Variants in SUPT6H observed in about 807,000 individuals in gnomAD.
The protein encoded by SUPT6H is SPT6 homolog, histone chaperone and transcription elongation factor, also known as transcription elongation factor SPT6.
A neutral mutation model predicts 222.3 loss-of-function variants in SUPT6H; 11 were observed. That is an observed-to-expected ratio of 0.05 (90% confidence interval 0.03 to 0.08). The LOEUF (loss-of-function observed/expected upper bound fraction) is 0.08, where lower values mean the gene tolerates loss of function less well. Among genes scored for constraint, SUPT6H ranks in the 10% least tolerant of loss-of-function variants. The probability of loss-of-function intolerance (pLI) is 1.00; values close to 1 mark genes in which losing one functional copy is unlikely to be tolerated. For synonymous variants in SUPT6H, 762 were observed against 801.2 expected (o/e 0.95, Z 0.83); for missense variants, 1,422 against 2,216.0 (o/e 0.64, Z 7.19).
At chr17:28,686,582 C>T in intron 20 of SUPT6H, 72 bp from the exon 21 acceptor site, 2 of 1,546,486 alleles carry the variant, frequency 1.3e-6, no homozygotes, top group Middle Eastern at 1.8e-4. Flanking sequence ...CCTACCTCTT[C>T]ACCCCCAAGG....
At chr17:28,696,585 C>CA (rs368924462) in intron 29 of SUPT6H, among the ~76,000 whole-genome samples, 1,570 of 53,666 alleles carry the variant, frequency 0.029, 30 homozygotes, top group South Asian at 0.042. Flanking sequence ...GAGACTGTCT[C>CA]AAAAAAAAAA....
rs2032172530 is a variant in SUPT6H at position 28,702,505 on chromosome 17, G to A, written c.*880G>A. Reference sequence around the variant, plus strand: ...TGATACCTGCCTCATCAGCTGCTGTGAGGACCAAGGCAGCGTGTGCAAGCT... The same window carrying A: ...TGATACCTGCCTCATCAGCTGCTGTAAGGACCAAGGCAGCGTGTGCAAGCT... On this transcript the variant is annotated 3_prime_UTR_variant, in exon 37 of 37. Transcript: ENST00000314616. The A allele has an allele frequency of 6.6e-6, 1 of 152,354 alleles. No individual in the cohort carries two copies. Among genetic ancestry groups the A allele is most frequent in the African/African-American group, 2.4e-5 (1 of 41,458 alleles). 9.4% of individuals were successfully genotyped at this position (152,354 alleles called of 1,614,324 possible).
chr17:28,670,508 C>T (rs1327745675), intron 1 of SUPT6H: 1 of 152,106 alleles, frequency 6.6e-6, no homozygotes, highest in Non-Finnish European at 1.5e-5. Context: ...TGTGCCTGTT[C>T]TGTGTGTCTA....
In SUPT6H at chr17:28,695,435, C is replaced by T; in HGVS notation, c.3858C>T (p.Leu1286=). 1.9e-6 allele frequency: 3 copies of T among 1,614,154 alleles called. No homozygotes were observed. Among genetic ancestry groups the T allele is most frequent in the Non-Finnish European group, 2.5e-6 (3 of 1,180,038 alleles). The change falls in exon 29 of 37, where the codon CTC becomes CTT. Residue 1286 remains leucine, a synonymous_variant. Coordinates refer to ENST00000314616, the MANE Select transcript of SUPT6H (RefSeq NM_003170.5). ...ACCTGACCTGCCGCACCTCAGACCTCATGGACAGGAACAATGAGTGGAAGC... is the reference window on the plus strand; with the variant it reads ...ACCTGACCTGCCGCACCTCAGACCTTATGGACAGGAACAATGAGTGGAAGC... The part of the protein sequence containing the change: ...SADLTCRTSD[L]MDRNNEWKLP...
intron 29 of SUPT6H, among the ~76,000 whole-genome samples, chr17:28,696,585 C>CAA (rs368924462): frequency 0.15 from 7,826 of 53,874 alleles, 352 homozygotes; most frequent in African/African-American, 0.19. Flanking sequence ...GAGACTGTCT[C>CAA]AAAAAAAAAA....
At chr17:28,693,898 T>A in intron 28 of SUPT6H, 62 bp downstream of exon 28, 1 of 1,607,900 alleles carries the variant, frequency 6.2e-7, no homozygotes, top group Non-Finnish European at 8.5e-7. Flanking sequence ...CAGGTCTCTT[T>A]AACTTTGGGC....
rs146509168 is a variant in SUPT6H at position 28,696,189 on chromosome 17, C to T, written c.3970+642C>T. ...GGTGTGGTGGTGGGCGCCTGTAATC[C>T]CAGCTACTGAGGCAGGAGAATTGCT... On this transcript the variant is annotated intron_variant, in intron 29 of 36. Coordinates refer to ENST00000314616, the MANE Select transcript of SUPT6H (RefSeq NM_003170.5). 1.5e-3 allele frequency among the ~76,000 whole-genome samples: 220 copies of T among 150,746 alleles called. 1 individual carries two copies. Among genetic ancestry groups the T allele is most frequent in the African/African-American group, 4.7e-3 (193 of 40,900 alleles).
At chr17:28,678,687 C>T (rs2030904514) in intron 10 of SUPT6H, 53 bp downstream of exon 10, 1 of 1,610,660 alleles carries the variant, frequency 6.2e-7, no homozygotes, top group Non-Finnish European at 8.5e-7. Context: ...GGCACCATTA[C>T]TACCAGGATA....
At chr17:28,690,301 G>A in intron 26 of SUPT6H, 72 bp downstream of exon 26, 4 of 1,562,446 alleles carry the variant, frequency 2.6e-6, no homozygotes, top group Non-Finnish European at 2.6e-6. Flanking sequence ...CCAAGCAGCA[G>A]TTCCAACAGA....
intron 25 of SUPT6H, 42 bp downstream of exon 25, chr17:28,689,603 A>G (rs2031548533): frequency 6.2e-7 from 1 of 1,601,142 alleles, no homozygotes; most frequent in African/African-American, 1.3e-5. Context: ...AACCCATCCC[A>G]AGTGGCCAGG....
At chr17:28,664,701 A>G (rs913971600) in intron 1 of SUPT6H, among the ~76,000 whole-genome samples, 2 of 152,098 alleles carry the variant, frequency 1.3e-5, no homozygotes, top group African/African-American at 2.4e-5. Context: ...AATTATCTCC[A>G]TTTGGATATT....
chr17:28,696,065 G>A (rs894923461), intron 29 of SUPT6H, among the ~76,000 whole-genome samples: 5 of 152,178 alleles, frequency 3.3e-5, no homozygotes, highest in East Asian at 1.9e-4. Flanking sequence ...CCAGCACTTC[G>A]GAGGCTGAGG....
intron 1 of SUPT6H, among the ~76,000 whole-genome samples, chr17:28,664,803 C>G (rs56147019): frequency 6.6e-6 from 1 of 152,192 alleles, no homozygotes; most frequent in Non-Finnish European, 1.5e-5. Flanking sequence ...AGTGGTGCTC[C>G]TATCCGCAGG....
At chr17:28,664,966 A>G (rs1316706090) in intron 1 of SUPT6H, among the ~76,000 whole-genome samples, 5 of 152,098 alleles carry the variant, frequency 3.3e-5, no homozygotes, top group African/African-American at 1.2e-4. Context: ...ACCTTATTCC[A>G]AGCCACCACC....
intron 29 of SUPT6H, among the ~76,000 whole-genome samples, chr17:28,695,901 C>T (rs992200695): frequency 6.6e-5 from 10 of 152,124 alleles, no homozygotes; most frequent in African/African-American, 1.4e-4. Flanking sequence ...GGGTGGCTCA[C>T]GGCTGTAGCC....
chr17:28,700,789 C>G, intron 35 of SUPT6H, 152 bp from the exon 36 acceptor site: 1 of 1,048,514 alleles, frequency 9.5e-7, no homozygotes, highest in Non-Finnish European at 1.4e-6. Flanking sequence ...CGGTGCTGAC[C>G]TGCAGGCTTC....
At chr17:28,689,686 C>T in intron 25 of SUPT6H, 125 bp downstream of exon 25, 1 of 914,054 alleles carries the variant, frequency 1.1e-6, no homozygotes, top group South Asian at 1.6e-5. Flanking sequence ...TGATCCTCAT[C>T]TCCCTGCCCT....
rs777389751 is a variant in SUPT6H, at chr17:28,677,699, G to A, written c.898-16G>A. The A allele has an allele frequency of 1.9e-6, 3 of 1,602,152 alleles. No homozygotes were observed. The highest frequency in any genetic ancestry group is 1.1e-5 in the South Asian group (1 of 90,428). On this transcript the variant is annotated splice_polypyrimidine_tract_variant and intron_variant, in intron 7 of 36. Transcript: ENST00000314616. ...AAGATAAAGTCCGTCTCACCCTGTT[G>A]TCTTATCCACTCCAGCTCCGCTCCA...
chr17:28,699,730 T>A, intron 32 of SUPT6H, 51 bp from the exon 33 acceptor site: 1 of 1,500,568 alleles, frequency 6.7e-7, no homozygotes, highest in East Asian at 2.3e-5. Flanking sequence ...TGGTCGCTCT[T>A]GTGGTGGGTC....
Sources: gnomAD v4.1 joint callset for allele counts (sites outside exome capture counted in the v4.1 genomes callset) on GRCh38, gnomAD v4.1.1 for gene constraint, MANE v1.5 for transcripts, NCBI Gene and HGNC (gene_info 2026-07-23, HGNC 2026-07-21) for gene names.